The following PRKD1 variants were observed in gnomAD, a reference collection of about 807,000 sequenced individuals.
The protein encoded by PRKD1 is protein kinase D1.
In PRKD1, 63 loss-of-function variants were observed where a neutral mutation model predicts 95.9. The ratio of observed to expected loss-of-function variants is 0.66; its 90% CI spans 0.54 to 0.81. The LOEUF is 0.81. Among genes scored for constraint, PRKD1 ranks in the 30% least tolerant of loss-of-function variants. The probability of loss-of-function intolerance (pLI) is 0.00; values close to 1 mark genes in which losing one functional copy is unlikely to be tolerated. For missense variants in PRKD1, 1,048 were observed against 1,165.3 expected (o/e 0.90, Z 1.47); for synonymous variants, 425 against 423.1 (o/e 1.00, Z -0.05).
At chr14:29,875,549 T>A (rs950172150) in intron 1 of PRKD1, among the ~76,000 whole-genome samples, 8 of 152,208 alleles carry the variant, frequency 5.3e-5, no homozygotes, top group Non-Finnish European at 2.9e-5. Flanking sequence ...TAAATGACAA[T>A]TTTGACAGCC....
intron 1 of PRKD1, among the ~76,000 whole-genome samples, chr14:29,753,142 G>A (rs1887553462): frequency 6.6e-6 from 1 of 152,076 alleles, no homozygotes; most frequent in South Asian, 2.1e-4. Flanking sequence ...TGTGAATGAT[G>A]GTGTGGAAGA....
rs1162486830 is a variant in PRKD1 at position 29,920,048 on chromosome 14, GGAAGGAAGGAAGGAAGGAAA to G, written c.264+7181_264+7200del. On this transcript the variant is annotated intron_variant, in intron 1 of 17. Coordinates refer to ENST00000331968, the MANE Select transcript of PRKD1 (RefSeq NM_002742.3). ...AGGAAGGAAGGAAGGAAGGAAGGAA[GGAAGGAAGGAAGGAAGGAAA>G]GAAGGAAGGAAGGAAGGAGAAAAGA... Among the ~76,000 whole-genome samples the G allele has an allele frequency of 7.3e-3, 982 of 135,190 alleles. 25 individuals are homozygous for G. The highest frequency in any genetic ancestry group is 0.028 in the African/African-American group (882 of 31,530). 88.7% of individuals were successfully genotyped at this position (135,190 alleles called of 152,430 possible).
intron 13 of PRKD1, among the ~76,000 whole-genome samples, chr14:29,610,074 A>T (rs887278959): frequency 9.4e-6 from 1 of 106,668 alleles, no homozygotes; most frequent in Non-Finnish European, 1.9e-5. Flanking sequence ...ATACTCTCTC[A>T]TCATCTTTCA....
At chr14:29,858,405 G>A (rs919308046) in intron 1 of PRKD1, among the ~76,000 whole-genome samples, 2 of 152,178 alleles carry the variant, frequency 1.3e-5, no homozygotes, top group African/African-American at 4.8e-5. Flanking sequence ...AACTGAACAG[G>A]AAATGTCTCT....
intron 16 of PRKD1, among the ~76,000 whole-genome samples, chr14:29,584,171 C>T (rs1892838878): frequency 6.6e-6 from 1 of 152,196 alleles, no homozygotes; most frequent in South Asian, 2.1e-4. Flanking sequence ...ATATAGATTC[C>T]ATTTTTTCTA....
intron 16 of PRKD1, among the ~76,000 whole-genome samples, chr14:29,581,951 A>G (rs1048480505): frequency 6.6e-6 from 1 of 152,206 alleles, no homozygotes; most frequent in African/African-American, 2.4e-5. Context: ...AAGTCTTAAA[A>G]GCAGGCAGTG....
intron 13 of PRKD1, among the ~76,000 whole-genome samples, chr14:29,611,624 C>T (rs1878472316): frequency 6.6e-6 from 1 of 151,796 alleles, no homozygotes; most frequent in Admixed American, 6.6e-5. Context: ...ATGACTAACC[C>T]ATACATTTCT....
At chr14:29,910,983 T>C (rs1894688967) in intron 1 of PRKD1, among the ~76,000 whole-genome samples, 1 of 152,100 alleles carries the variant, frequency 6.6e-6, no homozygotes, top group Admixed American at 6.5e-5. Context: ...CTTTCAAACA[T>C]GGGAAGGTTT....
chr14:29,627,382 G>A (rs1189767909), intron 11 of PRKD1, among the ~76,000 whole-genome samples: 2 of 152,178 alleles, frequency 1.3e-5, no homozygotes, highest in African/African-American at 4.8e-5. Context: ...GCTGCAGAAG[G>A]ATGGCAACCT....
chr14:29,743,118 G>A (rs780134106), intron 1 of PRKD1, among the ~76,000 whole-genome samples: 4 of 152,174 alleles, frequency 2.6e-5, no homozygotes, highest in Admixed American at 6.5e-5. Context: ...ATTTTGAGAG[G>A]AGTTTCTTTG....
At chr14:29,682,376 A>G (rs577206071) in intron 2 of PRKD1, among the ~76,000 whole-genome samples, 28 of 152,314 alleles carry the variant, frequency 1.8e-4, no homozygotes, top group African/African-American at 5.8e-4. Context: ...CTTTATCTAA[A>G]GCCTCCCTAC....
chr14:29,707,216 C>G (rs551247993), intron 2 of PRKD1, among the ~76,000 whole-genome samples: 2 of 152,064 alleles, frequency 1.3e-5, no homozygotes, highest in African/African-American at 4.8e-5. Flanking sequence ...GTTATCCAAT[C>G]CAGGCTTTAG....
intron 1 of PRKD1, among the ~76,000 whole-genome samples, chr14:29,827,842 T>C (rs1483667979): frequency 1.3e-5 from 2 of 152,166 alleles, no homozygotes; most frequent in African/African-American, 4.8e-5. Context: ...GGCATTGCTA[T>C]CATTTCTTTG....
intron 1 of PRKD1, among the ~76,000 whole-genome samples, chr14:29,896,716 C>T (rs921940093): frequency 1.7e-5 from 2 of 114,318 alleles, no homozygotes; most frequent in African/African-American, 8.2e-5. Flanking sequence ...GAGAATTAAA[C>T]AGTTAAAAAA....
At chr14:29,633,183 T>C (rs552266302) in intron 8 of PRKD1, among the ~76,000 whole-genome samples, 1 of 152,268 alleles carries the variant, frequency 6.6e-6, no homozygotes, top group South Asian at 2.1e-4. Context: ...GATGAAGTAT[T>C]AGCGCCCAGT....
At chr14:29,807,703 C>A (rs11850152) in intron 1 of PRKD1, among the ~76,000 whole-genome samples, 2,451 of 151,798 alleles carry the variant, frequency 0.016, 65 homozygotes, top group African/African-American at 0.052. Context: ...AGCCCAATTT[C>A]TTTTCTTTTC....
intron 1 of PRKD1, among the ~76,000 whole-genome samples, chr14:29,874,400 A>G (rs1231667720): frequency 6.6e-6 from 1 of 152,210 alleles, no homozygotes; most frequent in Non-Finnish European, 1.5e-5. Flanking sequence ...TATGACCACT[A>G]CGGAAAACAG....
At chr14:29,667,353 AG>A (rs1882583722) in intron 2 of PRKD1, among the ~76,000 whole-genome samples, 1 of 152,226 alleles carries the variant, frequency 6.6e-6, no homozygotes, top group Non-Finnish European at 1.5e-5. Context: ...TAACTTTGTA[AG>A]ATTTTATTTT....
At chr14:29,733,561 C>T (rs569296061) in intron 1 of PRKD1, among the ~76,000 whole-genome samples, 67 of 152,226 alleles carry the variant, frequency 4.4e-4, no homozygotes, top group African/African-American at 1.5e-3. Context: ...CCTCAGGAAA[C>T]TTACAATCAC....
Sources: allele counts gnomAD v4.1 joint callset (sites outside exome capture counted in the v4.1 genomes callset), GRCh38; gene constraint gnomAD v4.1.1; transcripts MANE v1.5; gene names NCBI Gene and HGNC (gene_info 2026-07-23, HGNC 2026-07-21).